Variants in WDR72 observed in about 807,000 individuals in gnomAD.
WDR72 encodes the protein WD repeat domain 72.
Under a neutral mutation model 124.2 loss-of-function variants are expected in WDR72, and 120 were observed. That is an observed-to-expected ratio of 0.97 (90% CI 0.83 to 1.12). The LOEUF (loss-of-function observed/expected upper bound fraction) is 1.12. Among genes scored for constraint, WDR72 ranks in the 50% most tolerant of loss-of-function variants. The probability of loss-of-function intolerance (pLI) is 0.00; values close to 1 mark genes in which losing one functional copy is unlikely to be tolerated. For synonymous variants in WDR72, 452 were observed against 441.7 expected, an observed-to-expected ratio of 1.02 and a Z score of -0.29; for missense variants, 1,387 against 1,278.8, an observed-to-expected ratio of 1.08 and a Z score of -1.29.
At chr15:53,633,961 T>G (rs1427332004) in intron 14 of WDR72, among the ~76,000 whole-genome samples, 2 of 152,054 alleles carry the variant, frequency 1.3e-5, no homozygotes, top group African/African-American at 4.8e-5. Context: ...TAAAGGAACA[T>G]AAAAATCCTC....
intron 14 of WDR72, among the ~76,000 whole-genome samples, chr15:53,626,953 A>C (rs2014236177): frequency 6.6e-6 from 1 of 152,208 alleles, no homozygotes; most frequent in Non-Finnish European, 1.5e-5. Context: ...ACTTAATATA[A>C]ATATTTAAAT....
At chr15:53,713,267 T>G (rs991901301) in intron 6 of WDR72, among the ~76,000 whole-genome samples, 3 of 149,074 alleles carry the variant, frequency 2.0e-5, no homozygotes, top group Non-Finnish European at 3.0e-5. Context: ...TCAACAAACA[T>G]TCTTTGGGGA....
At position 53,616,067 on chromosome 15, in the gene WDR72, C is replaced by T. The variant is rs2013753132; in HGVS notation, c.2139G>A (p.Leu713=). 6.2e-7 allele frequency: 1 copy of T among 1,610,518 alleles called. No individual in the cohort carries two copies. ...SSSSFYGGEV[L]RRAKSTVEKK... ...TCTCCACTGTGCTCTTGGCTCTTCT[C>T]AGGACCTCACCACCATAGAATGAAC... Residue 713 remains leucine, a synonymous_variant, in exon 15 of 20, where the codon CTG becomes CTA. Coordinates refer to ENST00000360509, the MANE Select transcript of WDR72 (RefSeq NM_182758.4).
In WDR72 at chr15:53,706,064, C is replaced by T. The variant is rs549180453; in HGVS notation, c.965G>A (p.Arg322His). Residue 322 changes from arginine (R) to histidine (H), a missense_variant, in exon 10 of 20, where the codon CGT (arginine) becomes CAT (histidine). Transcript: ENST00000360509. ...TSVQENKEQSRPFVMGYMNER... is the reference protein window; with the variant it reads ...TSVQENKEQSHPFVMGYMNER... ...ATTCATGTAGCCCATAACAAAGGGA[C>T]GGCTCTGTTCCTAAACAAAAAGTGA... The T allele has an allele frequency of 1.2e-4, 199 of 1,613,804 alleles. 6 individuals carry two copies. In the South Asian group the frequency reaches 1.3e-3, roughly 11 times the overall value.
chr15:53,677,543 G>T (rs2016217751), intron 13 of WDR72, among the ~76,000 whole-genome samples: 1 of 152,104 alleles, frequency 6.6e-6, no homozygotes, highest in Admixed American at 6.5e-5. Flanking sequence ...TAAATCATGG[G>T]GTCAGGTCTT....
chr15:53,700,003 A>T (rs529438453), intron 12 of WDR72, 58 bp from the exon 13 acceptor site: 2 of 1,606,016 alleles, frequency 1.2e-6, no homozygotes, highest in South Asian at 2.2e-5. Flanking sequence ...TTTATGAGTA[A>T]GTCAGATTTT....
chr15:53,625,236 G>T (rs1185591442), intron 14 of WDR72, among the ~76,000 whole-genome samples: 1 of 152,202 alleles, frequency 6.6e-6, no homozygotes, highest in Non-Finnish European at 1.5e-5. Flanking sequence ...CTGCAAAAAT[G>T]TGAGGAGTAA....
At chr15:53,673,213 A>G (rs2016053542) in intron 13 of WDR72, among the ~76,000 whole-genome samples, 1 of 152,238 alleles carries the variant, frequency 6.6e-6, no homozygotes, top group Non-Finnish European at 1.5e-5. Flanking sequence ...TCCTAGCCTA[A>G]TATCAATGTA....
At chr15:53,680,638 A>G (rs935794578) in intron 13 of WDR72, among the ~76,000 whole-genome samples, 3 of 152,194 alleles carry the variant, frequency 2.0e-5, no homozygotes, top group Non-Finnish European at 2.9e-5. Context: ...TAGAACCTTA[A>G]CCCCATAAAT....
At chr15:53,616,760 T>G (rs2013785068) in intron 14 of WDR72, among the ~76,000 whole-genome samples, 1 of 152,052 alleles carries the variant, frequency 6.6e-6, no homozygotes, top group African/African-American at 2.4e-5. Context: ...CATTTGATTT[T>G]GCCCCAAAGG....
At chr15:53,566,625 C>T (rs752005153) in intron 18 of WDR72, among the ~76,000 whole-genome samples, 3 of 151,482 alleles carry the variant, frequency 2.0e-5, no homozygotes, top group Admixed American at 2.0e-4. Context: ...GGCTCATCTA[C>T]GGAGCAACAT....
chr15:53,684,944 G>A (rs183982960), intron 13 of WDR72, among the ~76,000 whole-genome samples: 1 of 152,312 alleles, frequency 6.6e-6, no homozygotes, highest in East Asian at 1.9e-4. Flanking sequence ...CCCCCTAGCA[G>A]GGGCACACTG....
At chr15:53,593,423 C>T (rs1000194365) in intron 18 of WDR72, among the ~76,000 whole-genome samples, 3 of 152,002 alleles carry the variant, frequency 2.0e-5, no homozygotes, top group African/African-American at 7.3e-5. Flanking sequence ...CACAAAACCT[C>T]TCTTAAGTCT....
At chr15:53,678,258 A>G (rs761798406) in intron 13 of WDR72, among the ~76,000 whole-genome samples, 28 of 152,216 alleles carry the variant, frequency 1.8e-4, no homozygotes, top group Admixed American at 3.9e-4. Context: ...CTGAAAATGT[A>G]TAATTCTATC....
intron 18 of WDR72, among the ~76,000 whole-genome samples, chr15:53,595,297 CT>C (rs2012720250): frequency 6.6e-6 from 1 of 152,006 alleles, no homozygotes; most frequent in South Asian, 2.1e-4. Context: ...ACAGTTCTTT[CT>C]TTAAAGATGC....
intron 18 of WDR72, among the ~76,000 whole-genome samples, chr15:53,541,780 A>G (rs370542564): frequency 0.15 from 15,462 of 101,846 alleles, 654 homozygotes; most frequent in Middle Eastern, 0.18. Context: ...AGAATAACCA[A>G]TACAGAGAAG....
chr15:53,687,140 C>T (rs2016663842), intron 13 of WDR72, among the ~76,000 whole-genome samples: 1 of 148,268 alleles, frequency 6.7e-6, no homozygotes, highest in Admixed American at 6.7e-5. Flanking sequence ...CCTAACATCA[C>T]AATTAAAAGA....
At chr15:53,581,229 T>C (rs967605854) in intron 18 of WDR72, among the ~76,000 whole-genome samples, 1 of 152,094 alleles carries the variant, frequency 6.6e-6, no homozygotes, top group African/African-American at 2.4e-5. Context: ...GCTATGGAAG[T>C]ACTCTTTCTG....
chr15:53,521,513 G>T (rs945803747), intron 19 of WDR72, among the ~76,000 whole-genome samples: 5 of 152,048 alleles, frequency 3.3e-5, no homozygotes, highest in Non-Finnish European at 5.9e-5. Context: ...GATGTCCGAT[G>T]TATAGAACGG....
Sources: gnomAD v4.1 joint callset for allele counts (sites outside exome capture counted in the v4.1 genomes callset) on GRCh38, gnomAD v4.1.1 for gene constraint, MANE v1.5 for transcripts, NCBI Gene and HGNC (gene_info 2026-07-23, HGNC 2026-07-21) for gene names.